The following CTNNBL1 variants were observed in gnomAD, a reference collection of about 807,000 sequenced individuals.
CTNNBL1 encodes beta-catenin-like protein 1.
In CTNNBL1, 31 loss-of-function variants were observed where a neutral mutation model predicts 72.7. The ratio of observed to expected loss-of-function variants is 0.43; its 90% CI spans 0.32 to 0.58. The LOEUF (loss-of-function observed/expected upper bound fraction) is 0.58, where lower values mean the gene tolerates loss of function less well. Ranked by LOEUF, CTNNBL1 falls within the 20% of genes least tolerant of loss-of-function variation. The pLI is 0.08. For missense variants in CTNNBL1, 534 were observed against 725.1 expected (o/e 0.74, Z 3.03); for synonymous variants, 240 against 267.3 (o/e 0.90, Z 1.00).
chr20:37,779,729 G>A (rs930747049), intron 10 of CTNNBL1, among the ~76,000 whole-genome samples: 1 of 152,128 alleles, frequency 6.6e-6, no homozygotes, highest in East Asian at 1.9e-4. Context: ...TATTTTTATT[G>A]AAAGCAGCGT....
chr20:37,862,748 C>G lies in CTNNBL1; in HGVS notation c.1603+2404C>G, dbSNP rs185762866. On this transcript the variant is annotated intron_variant, in intron 15 of 15. Transcript: ENST00000361383. Reference sequence around the variant, plus strand: ...CCTCCATGCAGACCCTCGCAGCCATCCTTCCAGGCCTGGGCTCAGCCCTTC... The same window carrying G: ...CCTCCATGCAGACCCTCGCAGCCATGCTTCCAGGCCTGGGCTCAGCCCTTC... 2.5e-3 allele frequency among the ~76,000 whole-genome samples: 363 copies of G among 146,842 alleles called. 3 individuals are homozygous for G. The highest frequency in any genetic ancestry group is 8.6e-3 in the African/African-American group (346 of 40,412).
chr20:37,842,303 T>C, intron 12 of CTNNBL1, 36 bp from the exon 13 acceptor site: 1 of 1,451,630 alleles, frequency 6.9e-7, no homozygotes, highest in East Asian at 2.3e-5. Context: ...GCGTTGTCTT[T>C]CCTTCTCACT....
chr20:37,791,264 CTTAG>C (rs555661423), intron 10 of CTNNBL1, among the ~76,000 whole-genome samples: 42 of 152,272 alleles, frequency 2.8e-4, no homozygotes, highest in African/African-American at 9.9e-4. Flanking sequence ...TAGGTAAATA[CTTAG>C]TTAAATTGCT....
At chr20:37,736,876 G>T (rs568897768) in intron 2 of CTNNBL1, among the ~76,000 whole-genome samples, 2 of 152,070 alleles carry the variant, frequency 1.3e-5, no homozygotes, top group Non-Finnish European at 2.9e-5. Flanking sequence ...TGATATACCC[G>T]AAAAGAAGCA....
chr20:37,731,538 C>G (rs1302810776), intron 1 of CTNNBL1, among the ~76,000 whole-genome samples: 3 of 152,134 alleles, frequency 2.0e-5, no homozygotes, highest in Admixed American at 6.6e-5. Context: ...CCCGGCCTTA[C>G]TGAAACTTAT....
At chr20:37,821,149 A>G (rs2072103879) in intron 11 of CTNNBL1, among the ~76,000 whole-genome samples, 1 of 152,106 alleles carries the variant, frequency 6.6e-6, no homozygotes, top group South Asian at 2.1e-4. Context: ...TGTAAGACTG[A>G]TTACTTACTC....
chr20:37,695,558 C>T (rs2072783585), intron 1 of CTNNBL1, among the ~76,000 whole-genome samples: 1 of 152,146 alleles, frequency 6.6e-6, no homozygotes, highest in Non-Finnish European at 1.5e-5. Flanking sequence ...AATGTGTTTA[C>T]TAGAAAATTT....
chr20:37,713,182 A>T (rs1028355675), intron 1 of CTNNBL1, among the ~76,000 whole-genome samples: 3 of 152,234 alleles, frequency 2.0e-5, no homozygotes, highest in Non-Finnish European at 4.4e-5. Context: ...CAGAAGGCTC[A>T]GTGGGGGAAA....
intron 5 of CTNNBL1, among the ~76,000 whole-genome samples, chr20:37,764,407 A>G (rs983695776): frequency 7.2e-5 from 11 of 152,210 alleles, no homozygotes; most frequent in Admixed American, 3.9e-4. Context: ...AGGAGGTAGC[A>G]TGAAGTAGTA....
intron 4 of CTNNBL1, among the ~76,000 whole-genome samples, chr20:37,747,947 G>A (rs1002149525): frequency 6.6e-5 from 10 of 152,142 alleles, no homozygotes; most frequent in Non-Finnish European, 1.3e-4. Context: ...AATCTGATTC[G>A]TGACTTCCAA....
chr20:37,721,315 C>T lies in CTNNBL1; in HGVS notation c.31-11564C>T, dbSNP rs76914650. On this transcript the variant is annotated intron_variant, in intron 1 of 15. Transcript: ENST00000361383. Reference sequence around the variant, plus strand: ...GTTTTATACTTCTAAAAAGTGCACCCTTAATATGCATTAGCTTTAAAAATA... The same window carrying T: ...GTTTTATACTTCTAAAAAGTGCACCTTTAATATGCATTAGCTTTAAAAATA... 6.0e-3 allele frequency among the ~76,000 whole-genome samples: 908 copies of T among 152,266 alleles called. 6 individuals carry two copies. The highest frequency in any genetic ancestry group is 0.021 in the African/African-American group (866 of 41,540).
intron 1 of CTNNBL1, among the ~76,000 whole-genome samples, chr20:37,729,602 A>G (rs1162945934): frequency 6.6e-6 from 1 of 151,998 alleles, no homozygotes; most frequent in Non-Finnish European, 1.5e-5. Flanking sequence ...CTTTCCGTGG[A>G]GAACTATGGA....
At chr20:37,762,343 G>A (rs941146811) in intron 5 of CTNNBL1, among the ~76,000 whole-genome samples, 5 of 152,140 alleles carry the variant, frequency 3.3e-5, no homozygotes, top group African/African-American at 9.7e-5. Context: ...TTGGCAGATC[G>A]TACCAGATAG....
chr20:37,719,897 G>A (rs1296363755), intron 1 of CTNNBL1, among the ~76,000 whole-genome samples: 1 of 150,898 alleles, frequency 6.6e-6, no homozygotes, highest in East Asian at 1.9e-4. Context: ...CTGGAGTGCA[G>A]TGATGTGATC....
chr20:37,814,145 T>G, intron 11 of CTNNBL1, among the ~76,000 whole-genome samples: 1 of 152,160 alleles, frequency 6.6e-6, no homozygotes, highest in African/African-American at 2.4e-5. Context: ...AACCTAGGAT[T>G]TTCCTGCAGC....
At position 37,779,213 on chromosome 20, in the gene CTNNBL1, G is replaced by T; in HGVS notation, c.909G>T (p.Thr303=). Residue 303 remains threonine (T), a synonymous_variant, in exon 10 of 16, where the codon ACG becomes ACT. Transcript: ENST00000361383. ...TGTTTAAAAGACACAATCCCAGCACGGCTGAGGAGCAGGAGATGATGGAGA... is the reference window on the plus strand; with the variant it reads ...TGTTTAAAAGACACAATCCCAGCACTGCTGAGGAGCAGGAGATGATGGAGA... The part of the protein sequence containing the change: ...LSVFKRHNPS[T]AEEQEMMENL... 1 of 1,613,546 alleles carries T rather than the reference G, an allele frequency of 6.2e-7. No homozygotes were observed. The highest frequency in any genetic ancestry group is 2.2e-5 in the East Asian group (1 of 44,878).
At chr20:37,754,689 C>T (rs1253303033) in intron 4 of CTNNBL1, among the ~76,000 whole-genome samples, 1 of 151,666 alleles carries the variant, frequency 6.6e-6, no homozygotes, top group African/African-American at 2.4e-5. Context: ...TGAATGTAGC[C>T]GTGTTTAAAC....
At chr20:37,719,841 TTTTC>T in intron 1 of CTNNBL1, among the ~76,000 whole-genome samples, 1 of 151,388 alleles carries the variant, frequency 6.6e-6, no homozygotes, top group Admixed American at 6.6e-5. Flanking sequence ...TTTTCTTTTC[TTTTC>T]TTTTTTTTTT....
At chr20:37,791,752 G>C (rs142977013) in intron 10 of CTNNBL1, among the ~76,000 whole-genome samples, 1 of 152,132 alleles carries the variant, frequency 6.6e-6, no homozygotes. Flanking sequence ...CTGCGCGTGC[G>C]AGCGATCTAA....
Sources: gnomAD v4.1 joint callset for allele counts (sites outside exome capture counted in the v4.1 genomes callset) on GRCh38, gnomAD v4.1.1 for gene constraint, MANE v1.5 for transcripts, NCBI Gene and HGNC (gene_info 2026-07-23, HGNC 2026-07-21) for gene names.